Variants in EFCAB13 observed in about 807,000 individuals in gnomAD.
EFCAB13 encodes the protein EF-hand calcium binding domain 13.
Under a neutral mutation model 110.2 loss-of-function variants are expected in EFCAB13, and 91 were observed. The observed-to-expected ratio is 0.83, with a 90% confidence interval of 0.70 to 0.98. EFCAB13 has a LOEUF of 0.98. Ranked by LOEUF, EFCAB13 falls within the 50% of genes least tolerant of loss-of-function variation. The probability of loss-of-function intolerance (pLI) is 0.00; values close to 1 mark genes in which losing one functional copy is unlikely to be tolerated. For missense variants in EFCAB13, 968 were observed against 1,119.4 expected (o/e 0.86, Z 1.93); for synonymous variants, 323 against 369.9 (o/e 0.87, Z 1.45).
chr17:47,430,728 C>G (rs551703910), intron 24 of EFCAB13: 1 of 152,184 alleles, frequency 6.6e-6, no homozygotes, highest in East Asian at 1.9e-4. Flanking sequence ...GTAATGCTAT[C>G]CTCATTTTAA....
At chr17:47,392,599 C>T (rs917362907) in intron 15 of EFCAB13, among the ~76,000 whole-genome samples, 1 of 151,992 alleles carries the variant, frequency 6.6e-6, no homozygotes, top group African/African-American at 2.4e-5. Context: ...AACATATCCA[C>T]AAACATACAT....
intron 24 of EFCAB13, among the ~76,000 whole-genome samples, chr17:47,438,498 C>CTTTTTTTTTTTT (rs112384926): frequency 2.1e-5 from 3 of 142,346 alleles, no homozygotes; most frequent in Non-Finnish European, 3.1e-5. Context: ...TAGTCTTATT[C>CTTTTTTTTTTTT]TTTTTTTTTT....
chr17:47,435,958 C>T (rs989928642), intron 24 of EFCAB13, among the ~76,000 whole-genome samples: 4 of 152,038 alleles, frequency 2.6e-5, no homozygotes, highest in South Asian at 2.1e-4. Context: ...AGGTATGTCC[C>T]TTGTATGCCT....
chr17:47,362,020 C>T lies in EFCAB13; in HGVS notation c.805+499C>T, dbSNP rs561254647. Reference sequence around the variant, plus strand: ...ATGTTTACTTGTAACCAGAGGATGTCCTATCATAATTAGTGATTAATTGAT... The same window carrying T: ...ATGTTTACTTGTAACCAGAGGATGTTCTATCATAATTAGTGATTAATTGAT... On this transcript the variant is annotated intron_variant, in intron 10 of 24. Coordinates refer to ENST00000331493, the MANE Select transcript of EFCAB13 (RefSeq NM_152347.5). Among the ~76,000 whole-genome samples the T allele has an allele frequency of 5.3e-5, 8 of 152,134 alleles. No individual in the cohort carries two copies. The South Asian group carries it at 1.2e-3, about 24-fold the overall frequency.
intron 20 of EFCAB13, 133 bp downstream of exon 20, chr17:47,404,766 T>A: frequency 2.0e-6 from 1 of 496,608 alleles, no homozygotes; most frequent in Non-Finnish European, 3.4e-6. Context: ...TCATGTGTAC[T>A]TGAACACTTT....
At chr17:47,354,183 G>A (rs1215633571) in intron 9 of EFCAB13, among the ~76,000 whole-genome samples, 3 of 152,080 alleles carry the variant, frequency 2.0e-5, no homozygotes, top group African/African-American at 4.8e-5. Flanking sequence ...TATTTGCATA[G>A]TTTTGAGGGT....
chr17:47,428,515 T>G (rs1338106125), intron 23 of EFCAB13, among the ~76,000 whole-genome samples: 1 of 151,980 alleles, frequency 6.6e-6, no homozygotes, highest in Non-Finnish European at 1.5e-5. Flanking sequence ...TTACTGTAAT[T>G]AAGACAGTGT....
chr17:47,377,747 C>G lies in EFCAB13; in HGVS notation c.1373-19C>G, dbSNP rs374424968. Reference sequence around the variant, plus strand: ...ATAAATTCTGTTGCCTAATAGTTCTCTACATTTTGTGTATTTAGAAAACTT... The same window carrying G: ...ATAAATTCTGTTGCCTAATAGTTCTGTACATTTTGTGTATTTAGAAAACTT... On this transcript the variant is annotated intron_variant, in intron 12 of 24. Coordinates refer to ENST00000331493, the MANE Select transcript of EFCAB13 (RefSeq NM_152347.5). The G allele has an allele frequency of 3.9e-6, 6 of 1,549,816 alleles. No individual in the cohort carries two copies. Among genetic ancestry groups the G allele is most frequent in the Middle Eastern group, 1.8e-4 (1 of 5,560 alleles).
chr17:47,382,335 G>A (rs971635285), intron 14 of EFCAB13, among the ~76,000 whole-genome samples: 1 of 152,156 alleles, frequency 6.6e-6, no homozygotes, highest in Non-Finnish European at 1.5e-5. Context: ...CTTCCTATGT[G>A]AATACGCTTT....
At chr17:47,325,085 A>G (rs1001859146) in intron 2 of EFCAB13, among the ~76,000 whole-genome samples, 4 of 139,876 alleles carry the variant, frequency 2.9e-5, no homozygotes, top group African/African-American at 1.1e-4. Context: ...CAGTGGTGCA[A>G]TCATAGCCCA....
At chr17:47,420,720 C>T (rs1438115415) in intron 23 of EFCAB13, among the ~76,000 whole-genome samples, 15 of 151,880 alleles carry the variant, frequency 9.9e-5, no homozygotes, top group Non-Finnish European at 1.9e-4. Flanking sequence ...GCAGCCGCCC[C>T]ATCTGAGAAG....
intron 23 of EFCAB13, 62 bp from the exon 24 acceptor site, chr17:47,429,756 T>C: frequency 6.7e-7 from 1 of 1,487,058 alleles, no homozygotes; most frequent in East Asian, 2.4e-5. Context: ...TATTAAGTGA[T>C]AACTAATAAC....
chr17:47,387,386 C>T (rs2065682137), intron 14 of EFCAB13, among the ~76,000 whole-genome samples: 2 of 152,132 alleles, frequency 1.3e-5, no homozygotes, highest in Admixed American at 6.5e-5. Context: ...ATCATCTGTC[C>T]ATTACTGAGA....
At chr17:47,403,086 G>A (rs1484996771) in intron 18 of EFCAB13, among the ~76,000 whole-genome samples, 1 of 152,150 alleles carries the variant, frequency 6.6e-6, no homozygotes, top group Non-Finnish European at 1.5e-5. Context: ...GCCATCTGTA[G>A]TTGCATCCCA....
chr17:47,366,308 A>G (rs2065545400), intron 10 of EFCAB13, among the ~76,000 whole-genome samples: 1 of 149,844 alleles, frequency 6.7e-6, no homozygotes, highest in Non-Finnish European at 1.5e-5. Context: ...CTGTATTGGT[A>G]TAGCAGTTTT....
intron 17 of EFCAB13, among the ~76,000 whole-genome samples, chr17:47,397,423 C>G (rs1400597533): frequency 6.6e-6 from 1 of 151,628 alleles, no homozygotes; most frequent in Non-Finnish European, 1.5e-5. Context: ...CAGCCTCTGC[C>G]CGGCCGCCAC....
chr17:47,404,028 A>G lies in EFCAB13; in HGVS notation c.2161+7A>G. 1 of 1,579,416 alleles carries G rather than the reference A, an allele frequency of 6.3e-7. No homozygotes were observed. Among genetic ancestry groups the G allele is most frequent in the East Asian group, 2.3e-5 (1 of 44,368 alleles). On this transcript the variant is annotated splice_region_variant and intron_variant, in intron 19 of 24. Coordinates refer to ENST00000331493, the MANE Select transcript of EFCAB13 (RefSeq NM_152347.5). ...CAATCAGATTTTGTTTCTGGTAAGC[A>G]TTTTAAATATTACTCTCAGGTTTTT...
intron 20 of EFCAB13, chr17:47,409,245 G>A (rs1285035186): frequency 6.1e-6 from 1 of 164,398 alleles, no homozygotes; most frequent in Non-Finnish European, 1.3e-5. Context: ...TTAAGTAATG[G>A]GTATAATGTT....
intron 17 of EFCAB13, among the ~76,000 whole-genome samples, chr17:47,399,374 T>C (rs2065767156): frequency 6.6e-6 from 1 of 152,226 alleles, no homozygotes; most frequent in South Asian, 2.1e-4. Context: ...CAAAGGTATT[T>C]AGTTCTTATT....
Sources: allele counts gnomAD v4.1 joint callset (sites outside exome capture counted in the v4.1 genomes callset), GRCh38; gene constraint gnomAD v4.1.1; transcripts MANE v1.5; gene names NCBI Gene and HGNC (gene_info 2026-07-23, HGNC 2026-07-21).